Variants in SGIP1 observed in about 807,000 individuals in gnomAD.
SGIP1 encodes the protein SH3GL interacting endocytic adaptor 1.
Under a neutral mutation model 107.5 loss-of-function variants are expected in SGIP1, and 38 were observed. That is an observed-to-expected ratio of 0.35 (90% CI 0.27 to 0.46). The LOEUF (loss-of-function observed/expected upper bound fraction) is 0.46. Ranked by LOEUF, SGIP1 falls within the 20% of genes least tolerant of loss-of-function variation. SGIP1 has a pLI of 1.00. For missense variants in SGIP1, 929 were observed against 1,019.5 expected (o/e 0.91, Z 1.21); for synonymous variants, 365 against 366.1 (o/e 1.00, Z 0.03).
chr1:66,534,500 G>C (rs1294232547), intron 1 of SGIP1, 132 bp downstream of exon 1: 1 of 1,021,504 alleles, frequency 9.8e-7, no homozygotes, highest in East Asian at 2.4e-5. Context: ...CAGAAATGCT[G>C]CAGTTTGCTT....
At chr1:66,571,511 G>A (rs4655620) in intron 1 of SGIP1, among the ~76,000 whole-genome samples, 77,553 of 151,778 alleles carry the variant, frequency 0.51, 20,787 homozygotes, top group South Asian at 0.78. Context: ...TAGAAATGAC[G>A]TGAGGTGAGA....
At chr1:66,717,975 C>T (rs1044932345) in intron 18 of SGIP1, among the ~76,000 whole-genome samples, 1 of 152,034 alleles carries the variant, frequency 6.6e-6, no homozygotes, top group Non-Finnish European at 1.5e-5. Context: ...TACCATAATA[C>T]CTGATACATA....
chr1:66,713,833 T>C (rs746093411), intron 18 of SGIP1, among the ~76,000 whole-genome samples: 1 of 152,156 alleles, frequency 6.6e-6, no homozygotes, highest in Non-Finnish European at 1.5e-5. Flanking sequence ...GACACAAGTA[T>C]TATCAAGCCA....
chr1:66,738,462 A>G (rs1040541858), intron 21 of SGIP1, among the ~76,000 whole-genome samples: 5 of 152,240 alleles, frequency 3.3e-5, no homozygotes, highest in Non-Finnish European at 7.3e-5. Flanking sequence ...TCACCACCAT[A>G]ACGAACAATC....
chr1:66,547,153 A>G (rs1445946604), intron 1 of SGIP1, among the ~76,000 whole-genome samples: 1 of 152,212 alleles, frequency 6.6e-6, no homozygotes, highest in Non-Finnish European at 1.5e-5. Flanking sequence ...TTAAAACTCT[A>G]TGATGAATCC....
rs2072513444 is a variant in SGIP1 at position 66,625,743 on chromosome 1, T to C, written c.11-104T>C. On this transcript the variant is annotated intron_variant, in intron 1 of 24. Transcript: ENST00000371037. Reference sequence around the variant, plus strand: ...TTTACATACAACTTCAGAAACTTCATTGCTTTCTAAACATTTAAGTCTAAC... The same window carrying C: ...TTTACATACAACTTCAGAAACTTCACTGCTTTCTAAACATTTAAGTCTAAC... The C allele has an allele frequency of 4.2e-6, 4 of 959,396 alleles. No homozygotes were observed. In the Admixed American group the frequency reaches 9.1e-5, roughly 22 times the overall value. The allele number at this position is 959,396 out of a possible 1,614,324, so 59.4% of individuals were successfully genotyped here.
intron 4 of SGIP1, among the ~76,000 whole-genome samples, chr1:66,637,084 A>T (rs1014561759): frequency 2.0e-5 from 3 of 152,190 alleles, no homozygotes; most frequent in Non-Finnish European, 4.4e-5. Flanking sequence ...ATATAATTAC[A>T]ATTCCAAGAG....
intron 1 of SGIP1, among the ~76,000 whole-genome samples, chr1:66,554,016 C>A (rs533092957): frequency 6.6e-6 from 1 of 152,272 alleles, no homozygotes. Flanking sequence ...ATGCGGCAGT[C>A]ATCTGTGACT....
chr1:66,701,464 G>T (rs1376113696), intron 18 of SGIP1, among the ~76,000 whole-genome samples: 1 of 152,094 alleles, frequency 6.6e-6, no homozygotes, highest in Non-Finnish European at 1.5e-5. Flanking sequence ...TTAAAACCAC[G>T]CTCCTTAGCT....
At position 66,628,812 on chromosome 1, in the gene SGIP1, C is replaced by T. The variant is rs12081691; in HGVS notation, c.74+2902C>T. The stretch of plus-strand genomic sequence containing the variant: ...CCAATATCTCTCTGAGGTACTCTAA[C>T]GAGACATTTGTTTAAAGAATCCCAA... On this transcript the variant is annotated intron_variant, in intron 2 of 24. Transcript: ENST00000371037. Among the ~76,000 whole-genome samples, 709 of 151,348 alleles carry T rather than the reference C, an allele frequency of 4.7e-3. 8 individuals are homozygous for T. The highest frequency in any genetic ancestry group is 0.015 in the African/African-American group (627 of 41,128).
intron 19 of SGIP1, among the ~76,000 whole-genome samples, chr1:66,726,115 A>T (rs1322900832): frequency 2.6e-5 from 4 of 152,196 alleles, no homozygotes; most frequent in African/African-American, 9.7e-5. Flanking sequence ...GGAGCCACAC[A>T]CAAGCCTCTT....
At chr1:66,611,789 C>T (rs1376306176) in intron 1 of SGIP1, among the ~76,000 whole-genome samples, 4 of 152,014 alleles carry the variant, frequency 2.6e-5, no homozygotes, top group African/African-American at 7.2e-5. Context: ...TGGAGCATCT[C>T]GGAGGATGTT....
At chr1:66,684,219 C>G (rs957795434) in intron 15 of SGIP1, 2 of 1,550,212 alleles carry the variant, frequency 1.3e-6, no homozygotes, top group African/African-American at 1.4e-5. Context: ...TGTTGTTAAC[C>G]AGTGTGCTCT....
chr1:66,669,571 T>G (rs1044908413), intron 9 of SGIP1, among the ~76,000 whole-genome samples: 1 of 152,252 alleles, frequency 6.6e-6, no homozygotes, highest in Non-Finnish European at 1.5e-5. Context: ...TTCTGTTATC[T>G]AATCATTTCT....
intron 21 of SGIP1, among the ~76,000 whole-genome samples, chr1:66,739,065 C>A (rs2094359999): frequency 6.6e-6 from 1 of 152,062 alleles, no homozygotes; most frequent in South Asian, 2.1e-4. Context: ...AGCTTCCTGG[C>A]CTCAGCTCCT....
intron 20 of SGIP1, among the ~76,000 whole-genome samples, chr1:66,731,721 A>C (rs998260736): frequency 7.9e-5 from 12 of 152,178 alleles, no homozygotes; most frequent in Non-Finnish European, 2.9e-5. Context: ...ATTGTTGACC[A>C]AGCATGATTC....
At chr1:66,656,592 C>T (rs971981901) in intron 7 of SGIP1, among the ~76,000 whole-genome samples, 1 of 152,142 alleles carries the variant, frequency 6.6e-6, no homozygotes, top group African/African-American at 2.4e-5. Context: ...TATACGCAGT[C>T]CATCGTTGAC....
intron 1 of SGIP1, among the ~76,000 whole-genome samples, chr1:66,566,063 A>G (rs2059595535): frequency 2.0e-5 from 3 of 152,002 alleles, no homozygotes; most frequent in African/African-American, 7.2e-5. Context: ...ATTACACTGA[A>G]TGAAAGATAT....
At chr1:66,646,913 C>CA (rs1174152974) in intron 7 of SGIP1, among the ~76,000 whole-genome samples, 3 of 152,130 alleles carry the variant, frequency 2.0e-5, no homozygotes, top group Non-Finnish European at 4.4e-5. Context: ...GGAGTTAACT[C>CA]ACAGGTAAAG....
Sources: allele counts gnomAD v4.1 joint callset (sites outside exome capture counted in the v4.1 genomes callset), GRCh38; gene constraint gnomAD v4.1.1; transcripts MANE v1.5; gene names NCBI Gene and HGNC (gene_info 2026-07-23, HGNC 2026-07-21).